The following FLT1 variants were observed in gnomAD, a reference collection of about 807,000 sequenced individuals.
The protein encoded by FLT1 is vascular endothelial growth factor receptor 1.
Under a neutral mutation model 156.3 loss-of-function variants are expected in FLT1, and 49 were observed. The observed-to-expected ratio is 0.31, with a 90% confidence interval of 0.25 to 0.40. The LOEUF is 0.40. Ranked by LOEUF, FLT1 falls within the 10% of genes least tolerant of loss-of-function variation. The pLI is 1.00. For missense variants in FLT1, 1,322 were observed against 1,637.2 expected, an observed-to-expected ratio of 0.81 and a Z score of 3.32; for synonymous variants, 594 against 583.8, an observed-to-expected ratio of 1.02 and a Z score of -0.25.
rs1320043849 is a variant in FLT1, at chr13:28,412,307, C to CTTTCTT, written c.1437-6414_1437-6413insAAGAAA. 2.5e-3 allele frequency among the ~76,000 whole-genome samples: 136 copies of CTTTCTT among 53,582 alleles called. 1 individual carries two copies. The highest frequency in any genetic ancestry group is 5.9e-3 in the African/African-American group (124 of 20,874). The allele number at this position is 53,582 out of a possible 152,430, so 35.2% of individuals were successfully genotyped here. On this transcript the variant is annotated intron_variant, in intron 10 of 29. Coordinates refer to ENST00000282397, the MANE Select transcript of FLT1 (RefSeq NM_002019.4). Reference sequence around the variant, plus strand: ...CCCCCTTCTCTTTCTTTTTCTCTTTCTCTTTCTTTCTTTCTTTCTTTCTTT... The same window carrying CTTTCTT: ...CCCCCTTCTCTTTCTTTTTCTCTTTCTTTCTTTCTTTCTTTCTTTCTTTCTTTCTTT...
intron 1 of FLT1, among the ~76,000 whole-genome samples, chr13:28,492,985 C>A (rs1593856565): frequency 6.6e-6 from 1 of 152,054 alleles, no homozygotes; most frequent in East Asian, 1.9e-4. Context: ...AAACTGCTGC[C>A]CCATTTAAGT....
intron 10 of FLT1, among the ~76,000 whole-genome samples, chr13:28,422,997 A>G (rs1244769360): frequency 3.9e-5 from 6 of 152,202 alleles, no homozygotes; most frequent in South Asian, 4.1e-4. Flanking sequence ...TCTAAATAGT[A>G]TCTCCTGTGA....
In FLT1 at chr13:28,345,366, G is replaced by GT. The variant is rs1387569056; in HGVS notation, c.2355+78dup. 28 of 828,544 alleles carry GT rather than the reference G, an allele frequency of 3.4e-5. No individual in the cohort carries two copies. In the African/African-American group the frequency reaches 4.2e-4, roughly 13 times the overall value. 51.3% of individuals were successfully genotyped at this position (828,544 alleles called of 1,614,324 possible). ...GGGAAAGAAAGAGGGTCCAACATTT[G>GT]TTTGCCTACTCTAGACATCAGATCG... is the stretch of plus-strand genomic sequence containing the variant. On this transcript the variant is annotated intron_variant, in intron 16 of 29. Transcript: ENST00000282397.
At chr13:28,362,916 G>A (rs1411225071) in intron 14 of FLT1, among the ~76,000 whole-genome samples, 3 of 152,140 alleles carry the variant, frequency 2.0e-5, no homozygotes, top group African/African-American at 7.2e-5. Flanking sequence ...TATAACAAAT[G>A]ACACAGAGAC....
chr13:28,462,698 C>T (rs894306940), intron 3 of FLT1, among the ~76,000 whole-genome samples: 15 of 152,092 alleles, frequency 9.9e-5, no homozygotes, highest in African/African-American at 3.6e-4. Flanking sequence ...GACCAAGTGG[C>T]CCCTTCCAGG....
chr13:28,342,023 T>C (rs1872352772), intron 16 of FLT1, among the ~76,000 whole-genome samples: 1 of 152,022 alleles, frequency 6.6e-6, no homozygotes, highest in Admixed American at 6.6e-5. Flanking sequence ...GCTAGGATCA[T>C]AGGCGCCTGC....
rs199754004 is a variant in FLT1, at chr13:28,317,602, G to A, written c.3287-5C>T. The A allele has an allele frequency of 8.1e-4, 1,289 of 1,598,732 alleles. 1 individual carries two copies. Among genetic ancestry groups the A allele is most frequent in the Non-Finnish European group, 1.0e-3 (1,187 of 1,165,926 alleles). On this transcript the variant is annotated splice_region_variant and splice_polypyrimidine_tract_variant and intron_variant, in intron 24 of 29. Coordinates refer to ENST00000282397, the MANE Select transcript of FLT1 (RefSeq NM_002019.4). Reference sequence around the variant, plus strand: ...CTCCTGGGTATGGAGACCCACCTGCGGGAGACAATGTGGAAAACACAGGGC... The same window carrying A: ...CTCCTGGGTATGGAGACCCACCTGCAGGAGACAATGTGGAAAACACAGGGC...
chr13:28,374,342 G>C (rs1873749678), intron 14 of FLT1, among the ~76,000 whole-genome samples: 1 of 151,936 alleles, frequency 6.6e-6, no homozygotes, highest in African/African-American at 2.4e-5. Context: ...CTGAGCCCGG[G>C]AGGTTGAGGC....
chr13:28,394,465 A>T (rs776760017), intron 12 of FLT1, among the ~76,000 whole-genome samples: 1 of 152,078 alleles, frequency 6.6e-6, no homozygotes, highest in Non-Finnish European at 1.5e-5. Context: ...TCAGCAGGAG[A>T]TCACCTTTAT....
chr13:28,420,184 T>A (rs2137526253), intron 10 of FLT1, among the ~76,000 whole-genome samples: 1 of 152,342 alleles, frequency 6.6e-6, no homozygotes, highest in African/African-American at 2.4e-5. Context: ...CACTTCCTCG[T>A]CCAGTAATTA....
chr13:28,318,560 C>T (rs1005866318), intron 24 of FLT1, among the ~76,000 whole-genome samples: 12 of 152,156 alleles, frequency 7.9e-5, no homozygotes, highest in East Asian at 3.9e-4. Context: ...AGCTGGGAGG[C>T]GTGCAGTGCT....
chr13:28,405,712 C>G, intron 11 of FLT1, 68 bp downstream of exon 11: 2 of 917,246 alleles, frequency 2.2e-6, no homozygotes, highest in South Asian at 2.6e-5. Flanking sequence ...TGCCAATAAA[C>G]CTAGAATTGG....
chr13:28,394,174 T>C (rs1874903158), intron 12 of FLT1, among the ~76,000 whole-genome samples: 1 of 152,202 alleles, frequency 6.6e-6, no homozygotes, highest in Non-Finnish European at 1.5e-5. Flanking sequence ...CAAGTTAACC[T>C]AATATCACAA....
At chr13:28,449,838 T>C (rs1033895532) in intron 3 of FLT1, among the ~76,000 whole-genome samples, 11 of 152,222 alleles carry the variant, frequency 7.2e-5, no homozygotes, top group African/African-American at 2.7e-4. Flanking sequence ...TTGTTTTGCA[T>C]TGCTTCACTT....
At chr13:28,478,590 T>C (rs1593841196) in intron 1 of FLT1, among the ~76,000 whole-genome samples, 2 of 152,338 alleles carry the variant, frequency 1.3e-5, no homozygotes, top group South Asian at 4.1e-4. Flanking sequence ...CAACTACGTC[T>C]TATAACCTGT....
At chr13:28,389,021 G>A (rs1354616343) in intron 13 of FLT1, 10 of 1,064,270 alleles carry the variant, frequency 9.4e-6, no homozygotes, top group East Asian at 5.0e-5. Context: ...GGGAGGGGAC[G>A]TTGATTTGGA....
In FLT1 at chr13:28,424,537, C is replaced by T. The variant is rs146664065; in HGVS notation, c.1436+2622G>A. On this transcript the variant is annotated intron_variant, in intron 10 of 29. Transcript: ENST00000282397. ...TTTACATATTTATTAGACTCTAAGA[C>T]ACTAAATAATTTGAGTTAGGTCTGA... 5.8e-3 allele frequency among the ~76,000 whole-genome samples: 886 copies of T among 152,210 alleles called. 14 individuals carry two copies. The highest frequency in any genetic ancestry group is 0.02 in the African/African-American group (844 of 41,510).
At chr13:28,353,408 A>C (rs1872791059) in intron 15 of FLT1, among the ~76,000 whole-genome samples, 1 of 151,972 alleles carries the variant, frequency 6.6e-6, no homozygotes, top group African/African-American at 2.4e-5. Flanking sequence ...CCCCGTCTCT[A>C]CTAAAAATAC....
intron 6 of FLT1, among the ~76,000 whole-genome samples, chr13:28,431,601 T>G (rs1309216518): frequency 6.6e-6 from 1 of 152,212 alleles, no homozygotes; most frequent in Non-Finnish European, 1.5e-5. Flanking sequence ...GCAGGCTGAC[T>G]GCCCTTTTAG....
Sources: gnomAD v4.1 joint callset for allele counts (sites outside exome capture counted in the v4.1 genomes callset) on GRCh38, gnomAD v4.1.1 for gene constraint, MANE v1.5 for transcripts, NCBI Gene and HGNC (gene_info 2026-07-23, HGNC 2026-07-21) for gene names.